The following MAGI2 variants were observed in gnomAD, a reference collection of about 807,000 sequenced individuals.
MAGI2 encodes membrane-associated guanylate kinase, WW and PDZ domain-containing protein 2.
In MAGI2, 35 loss-of-function variants were observed where a neutral mutation model predicts 133.3. The ratio of observed to expected loss-of-function variants is 0.26; its 90% CI spans 0.20 to 0.35. The LOEUF is 0.35. Ranked by LOEUF, MAGI2 falls within the 10% of genes least tolerant of loss-of-function variation. The probability of loss-of-function intolerance (pLI) is 1.00; values close to 1 mark genes in which losing one functional copy is unlikely to be tolerated. For synonymous variants in MAGI2, 729 were observed against 710.6 expected, an observed-to-expected ratio of 1.03 and a Z score of -0.41; for missense variants, 1,636 against 1,863.4, an observed-to-expected ratio of 0.88 and a Z score of 2.25.
At chr7:78,554,164 T>C (rs989424554) in intron 3 of MAGI2, among the ~76,000 whole-genome samples, 7 of 152,222 alleles carry the variant, frequency 4.6e-5, no homozygotes, top group East Asian at 1.9e-4. Flanking sequence ...GTTGGTCTCA[T>C]AGGTGCTTCC....
rs574185336 is a variant in MAGI2 at position 79,056,386 on chromosome 7, T to C, written c.302-49180A>G. Among the ~76,000 whole-genome samples, 6 of 152,300 alleles carry C rather than the reference T, an allele frequency of 3.9e-5. No individual in the cohort carries two copies. The East Asian group carries it at 1.2e-3, about 29-fold the overall frequency. On this transcript the variant is annotated intron_variant, in intron 1 of 21. Transcript: ENST00000354212. ...AAAAAAATCACGTATAGTTATTTTGTAGTGAATAAGTTCATAGGTCACAAT... is the reference window on the plus strand; with the variant it reads ...AAAAAAATCACGTATAGTTATTTTGCAGTGAATAAGTTCATAGGTCACAAT...
intron 10 of MAGI2, among the ~76,000 whole-genome samples, chr7:78,221,149 C>G (rs954951670): frequency 7.2e-5 from 11 of 152,176 alleles, no homozygotes; most frequent in Non-Finnish European, 1.5e-4. Flanking sequence ...TCTAAAGTCT[C>G]CTCTTTCCCA....
chr7:78,197,404 A>T (rs1196801184), intron 11 of MAGI2, among the ~76,000 whole-genome samples: 1 of 152,230 alleles, frequency 6.6e-6, no homozygotes, highest in African/African-American at 2.4e-5. Flanking sequence ...ACAAGGCTTC[A>T]GCAAATGTCT....
chr7:78,969,010 A>G (rs764967296), intron 2 of MAGI2, among the ~76,000 whole-genome samples: 11 of 152,104 alleles, frequency 7.2e-5, no homozygotes, highest in Non-Finnish European at 1.5e-4. Context: ...AGCTGCAAGT[A>G]TAGCTATGTA....
At chr7:79,413,409 C>G (rs1056781854) in intron 1 of MAGI2, 1 of 152,112 alleles carries the variant, frequency 6.6e-6, no homozygotes, top group African/African-American at 2.4e-5. Context: ...AGCCAAGAAG[C>G]ACTGTGAATC....
At chr7:78,280,306 T>A (rs1464537174) in intron 9 of MAGI2, among the ~76,000 whole-genome samples, 2 of 152,002 alleles carry the variant, frequency 1.3e-5, no homozygotes, top group Non-Finnish European at 2.9e-5. Flanking sequence ...GTGGGGGATG[T>A]GGAAGGGGTG....
At chr7:78,941,267 C>T (rs1286600902) in intron 2 of MAGI2, among the ~76,000 whole-genome samples, 2 of 152,182 alleles carry the variant, frequency 1.3e-5, no homozygotes, top group Admixed American at 6.5e-5. Flanking sequence ...TTTCTGTTGG[C>T]TCCTTCTGCC....
At chr7:79,219,579 A>T (rs1299704585) in intron 1 of MAGI2, among the ~76,000 whole-genome samples, 3 of 152,038 alleles carry the variant, frequency 2.0e-5, no homozygotes, top group Admixed American at 1.3e-4. Flanking sequence ...TCTTCACTGA[A>T]AATTTTGAAT....
intron 3 of MAGI2, among the ~76,000 whole-genome samples, chr7:78,533,988 C>G (rs1185376419): frequency 6.6e-6 from 1 of 152,086 alleles, no homozygotes; most frequent in Non-Finnish European, 1.5e-5. Flanking sequence ...GAGTGATGGG[C>G]AGAGGGGAAG....
chr7:78,801,104 C>T (rs1788022131), intron 2 of MAGI2, among the ~76,000 whole-genome samples: 1 of 151,988 alleles, frequency 6.6e-6, no homozygotes, highest in Non-Finnish European at 1.5e-5. Context: ...CATTGTATTG[C>T]TGGTTAAGAA....
intron 1 of MAGI2, among the ~76,000 whole-genome samples, chr7:79,438,237 G>A (rs879260120): frequency 6.6e-6 from 1 of 152,064 alleles, no homozygotes; most frequent in Admixed American, 6.6e-5. Context: ...CATTATACGA[G>A]CCGGCGCTCA....
At chr7:78,269,105 G>T (rs548772842) in intron 9 of MAGI2, among the ~76,000 whole-genome samples, 7 of 152,272 alleles carry the variant, frequency 4.6e-5, no homozygotes, top group African/African-American at 1.2e-4. Context: ...CCCTGCAAAG[G>T]ACATGAACTC....
intron 13 of MAGI2, 100 bp downstream of exon 13, chr7:78,185,529 C>T (rs1563231179): frequency 1.1e-5 from 10 of 911,614 alleles, no homozygotes; most frequent in South Asian, 6.4e-5. Context: ...AGTAGCACAG[C>T]GATTATATAC....
intron 1 of MAGI2, among the ~76,000 whole-genome samples, chr7:79,279,780 T>C (rs1835491633): frequency 6.6e-6 from 1 of 152,208 alleles, no homozygotes; most frequent in Admixed American, 6.5e-5. Flanking sequence ...TTTAACTTCT[T>C]CAGTTCAAAT....
chr7:78,999,184 G>C (rs1424772655), intron 2 of MAGI2, among the ~76,000 whole-genome samples: 1 of 152,016 alleles, frequency 6.6e-6, no homozygotes, highest in Non-Finnish European at 1.5e-5. Flanking sequence ...TACAAACTAA[G>C]AGGGAAAAAA....
chr7:79,011,921 C>CCT (rs1562785353), intron 1 of MAGI2, among the ~76,000 whole-genome samples: 3 of 125,566 alleles, frequency 2.4e-5, no homozygotes, highest in African/African-American at 9.9e-5. Context: ...TCCTTCCTTC[C>CCT]TTCCTTTCTT....
intron 1 of MAGI2, among the ~76,000 whole-genome samples, chr7:79,154,528 G>C (rs1182096438): frequency 6.6e-6 from 1 of 152,136 alleles, no homozygotes; most frequent in Non-Finnish European, 1.5e-5. Context: ...ATTATCACCA[G>C]TGTTGGTTTC....
intron 2 of MAGI2, among the ~76,000 whole-genome samples, chr7:78,764,153 A>G (rs1333593009): frequency 6.6e-6 from 1 of 152,206 alleles, no homozygotes; most frequent in African/African-American, 2.4e-5. Flanking sequence ...AATGAAATGG[A>G]AATTCTACTA....
At chr7:79,242,396 A>G (rs1452003590) in intron 1 of MAGI2, among the ~76,000 whole-genome samples, 2 of 152,188 alleles carry the variant, frequency 1.3e-5, no homozygotes, top group East Asian at 3.9e-4. Flanking sequence ...GGTGATCAAC[A>G]TATTCTTCTC....
Sources: gnomAD v4.1 joint callset for allele counts (sites outside exome capture counted in the v4.1 genomes callset) on GRCh38, gnomAD v4.1.1 for gene constraint, MANE v1.5 for transcripts, NCBI Gene and HGNC (gene_info 2026-07-23, HGNC 2026-07-21) for gene names.